Variants in PTPRN2 observed in about 807,000 individuals in gnomAD.
The protein encoded by PTPRN2 is receptor-type tyrosine-protein phosphatase N2.
In PTPRN2, 74 loss-of-function variants were observed where a neutral mutation model predicts 118.8. The observed-to-expected ratio is 0.62, with a 90% CI of 0.52 to 0.76. PTPRN2 has a LOEUF of 0.76. Among genes scored for constraint, PTPRN2 ranks in the 30% least tolerant of loss-of-function variants. The pLI is 0.00. For synonymous variants in PTPRN2, 641 were observed against 608.0 expected (o/e 1.05, Z -0.80); for missense variants, 1,481 against 1,394.4 (o/e 1.06, Z -0.99).
chr7:158,463,335 A>G (rs569412515), intron 2 of PTPRN2, among the ~76,000 whole-genome samples: 1 of 152,182 alleles, frequency 6.6e-6, no homozygotes, highest in African/African-American at 2.4e-5. Context: ...CACCATCACC[A>G]TCAGCATCAT....
intron 8 of PTPRN2, among the ~76,000 whole-genome samples, chr7:158,134,821 C>T (rs1222268091): frequency 1.3e-5 from 2 of 152,174 alleles, no homozygotes; most frequent in African/African-American, 4.8e-5. Context: ...ACTACTCCAA[C>T]CCCATAAATA....
intron 12 of PTPRN2, among the ~76,000 whole-genome samples, chr7:157,689,058 C>A (rs187337661): frequency 6.6e-6 from 1 of 152,344 alleles, no homozygotes; most frequent in East Asian, 1.9e-4. Context: ...CGCGTCCACC[C>A]GTGAATCCCG....
intron 15 of PTPRN2, among the ~76,000 whole-genome samples, chr7:157,605,862 G>C (rs1214020815): frequency 1.3e-5 from 2 of 152,220 alleles, no homozygotes; most frequent in African/African-American, 4.8e-5. Flanking sequence ...GGCACCATGA[G>C]TTCCCACTCT....
At chr7:158,061,383 G>A (rs1229542945) in intron 11 of PTPRN2, among the ~76,000 whole-genome samples, 3 of 152,228 alleles carry the variant, frequency 2.0e-5, no homozygotes, top group Non-Finnish European at 4.4e-5. Flanking sequence ...ACCTGCTCCA[G>A]ACACCTGTTC....
At chr7:158,412,366 T>G (rs1814200314) in intron 2 of PTPRN2, among the ~76,000 whole-genome samples, 1 of 104,690 alleles carries the variant, frequency 9.6e-6, no homozygotes, top group African/African-American at 4.2e-5. Flanking sequence ...CCAGGGCCCA[T>G]CTCAGCACCC....
chr7:158,169,614 T>G (rs1823358286), intron 5 of PTPRN2, among the ~76,000 whole-genome samples: 1 of 151,794 alleles, frequency 6.6e-6, no homozygotes, highest in African/African-American at 2.4e-5. Flanking sequence ...AGTTCTCATA[T>G]ATGAACTTGG....
At position 157,705,587 on chromosome 7, in the gene PTPRN2, C is replaced by T. The variant is rs540901970; in HGVS notation, c.1789-22650G>A. Among the ~76,000 whole-genome samples, 18 of 151,682 alleles carry T rather than the reference C, an allele frequency of 1.2e-4. No individual in the cohort carries two copies. The South Asian group carries it at 2.5e-3, about 21-fold the overall frequency. ...GACCCAGGTGCCTTCCGGATCAATGCGGATCACATCCCCCAGAATGCTGGG... is the reference window on the plus strand; with the variant it reads ...GACCCAGGTGCCTTCCGGATCAATGTGGATCACATCCCCCAGAATGCTGGG... On this transcript the variant is annotated intron_variant, in intron 12 of 22. Transcript: ENST00000389418.
At chr7:157,757,649 T>TGCTCTGTG (rs1480643756) in intron 12 of PTPRN2, among the ~76,000 whole-genome samples, 2 of 150,928 alleles carry the variant, frequency 1.3e-5, no homozygotes, top group Non-Finnish European at 2.9e-5. Flanking sequence ...TCGACTGGTA[T>TGCTCTGTG]GCTCTGTGGC....
chr7:158,141,460 G>A (rs1450168951), intron 6 of PTPRN2, among the ~76,000 whole-genome samples: 1 of 152,216 alleles, frequency 6.6e-6, no homozygotes, highest in African/African-American at 2.4e-5. Flanking sequence ...CGCAGGACAG[G>A]AGTCAGTGTC....
intron 1 of PTPRN2, among the ~76,000 whole-genome samples, chr7:158,554,082 C>T (rs1826828754): frequency 6.6e-6 from 1 of 152,194 alleles, no homozygotes; most frequent in Non-Finnish European, 1.5e-5. Context: ...CAGAACCTTC[C>T]TTATATACCC....
chr7:158,078,366 CA>C (rs1280786318), intron 11 of PTPRN2, among the ~76,000 whole-genome samples: 4 of 152,194 alleles, frequency 2.6e-5, no homozygotes, highest in African/African-American at 9.6e-5. Context: ...CCAGCACTCC[CA>C]GTAATTTCAA....
intron 1 of PTPRN2, among the ~76,000 whole-genome samples, chr7:158,543,357 C>T (rs112153710): frequency 0.012 from 1,779 of 152,336 alleles, 42 homozygotes; most frequent in African/African-American, 0.041. Context: ...ACGGCCGCCC[C>T]GCCGGCTGTT....
At chr7:158,431,688 CCA>C (rs1237243241) in intron 2 of PTPRN2, among the ~76,000 whole-genome samples, 2 of 148,040 alleles carry the variant, frequency 1.4e-5, no homozygotes, top group African/African-American at 5.0e-5. Flanking sequence ...CACATACTGG[CCA>C]CACACTGGCT....
At chr7:157,783,595 C>T (rs1007872617) in intron 12 of PTPRN2, among the ~76,000 whole-genome samples, 2 of 150,522 alleles carry the variant, frequency 1.3e-5, no homozygotes, top group Non-Finnish European at 2.9e-5. Flanking sequence ...TAAAGTTGAC[C>T]GATCCTGGCT....
intron 12 of PTPRN2, among the ~76,000 whole-genome samples, chr7:157,759,752 G>T (rs973025022): frequency 6.6e-5 from 10 of 152,238 alleles, no homozygotes; most frequent in Admixed American, 5.2e-4. Context: ...TACGCGTTGA[G>T]AATGGTCGCC....
chr7:158,571,079 GATTTTATTTCATTTT>G (rs1407189846), intron 1 of PTPRN2, among the ~76,000 whole-genome samples: 2 of 152,132 alleles, frequency 1.3e-5, no homozygotes, highest in African/African-American at 4.8e-5. Context: ...TATTTCATTT[GATTTTATTTCATTTT>G]ATTTCCAAGC....
At chr7:157,967,266 T>C (rs556288013) in intron 11 of PTPRN2, among the ~76,000 whole-genome samples, 22 of 152,232 alleles carry the variant, frequency 1.4e-4, no homozygotes, top group African/African-American at 5.3e-4. Context: ...ACTGTGATTG[T>C]GCCACTGCAC....
At chr7:158,104,191 G>A (rs764494583) in intron 10 of PTPRN2, among the ~76,000 whole-genome samples, 81 of 152,244 alleles carry the variant, frequency 5.3e-4, no homozygotes, top group Non-Finnish European at 3.5e-4. Context: ...TGGAGCATCA[G>A]GGCATCCTGC....
At chr7:157,720,732 C>G (rs1206285898) in intron 12 of PTPRN2, among the ~76,000 whole-genome samples, 2 of 152,222 alleles carry the variant, frequency 1.3e-5, no homozygotes, top group East Asian at 3.9e-4. Flanking sequence ...GCGTGCCTCA[C>G]TCTTTATAAT....
Sources: gnomAD v4.1 joint callset for allele counts (sites outside exome capture counted in the v4.1 genomes callset) on GRCh38, gnomAD v4.1.1 for gene constraint, MANE v1.5 for transcripts, NCBI Gene and HGNC (gene_info 2026-07-23, HGNC 2026-07-21) for gene names.